ERCC6: variants seen among roughly 807,000 people sequenced by gnomAD.
ERCC6 encodes the protein DNA excision repair protein ERCC-6.
ERCC6 carries 116 observed loss-of-function variants against 158.7 expected under a neutral mutation model. That is an observed-to-expected ratio of 0.73 (90% CI 0.63 to 0.85). The LOEUF (loss-of-function observed/expected upper bound fraction) is 0.85. ERCC6 is among the 40% of genes least tolerant of loss of function. The pLI is 0.00. For synonymous variants in ERCC6, 678 were observed against 659.3 expected, an observed-to-expected ratio of 1.03 and a Z score of -0.43; for missense variants, 1,698 against 1,799.4, an observed-to-expected ratio of 0.94 and a Z score of 1.02.
At chr10:49,473,680 C>A (rs1850823509) in intron 13 of ERCC6, 93 bp from the exon 14 acceptor site, 2 of 807,434 alleles carry the variant, frequency 2.5e-6, no homozygotes, top group East Asian at 2.4e-5. Flanking sequence ...CCTTCCCCAA[C>A]AGGCCTATGT....
chr10:49,470,681 A>G lies in ERCC6; in HGVS notation c.3279T>C (p.Asp1093=). Reference sequence around the variant, plus strand: ...TTACATTACTACTCATGTGAGGGTCATCTTTCAAAGGATCACTTCGATTAG... The same window carrying G: ...TTACATTACTACTCATGTGAGGGTCGTCTTTCAAAGGATCACTTCGATTAG... ...VTSNRSDPLK[D]DPHMSSNVTS... The change falls in exon 18 of 21, where the codon GAT becomes GAC. Residue 1093 remains aspartate, a synonymous_variant. Transcript: ENST00000355832. 1.2e-6 allele frequency: 2 copies of G among 1,614,054 alleles called. No individual in the cohort carries two copies. The highest frequency in any genetic ancestry group is 1.7e-6 in the Non-Finnish European group (2 of 1,180,012).
intron 1 of ERCC6, among the ~76,000 whole-genome samples, chr10:49,537,155 C>G (rs1163473325): frequency 6.6e-6 from 1 of 152,010 alleles, no homozygotes; most frequent in African/African-American, 2.4e-5. Flanking sequence ...ACCAGCCTGA[C>G]CAACATAGTG....
intron 20 of ERCC6, 55 bp from the exon 21 acceptor site, chr10:49,459,289 C>T (rs1850535800): frequency 1.9e-6 from 3 of 1,586,934 alleles, no homozygotes; most frequent in East Asian, 2.2e-5. Flanking sequence ...TATGCCCCCA[C>T]TTCCTTCCCC....
chr10:49,524,846 C>G, intron 4 of ERCC6, 69 bp from the exon 5 acceptor site: 4 of 1,585,004 alleles, frequency 2.5e-6, no homozygotes, highest in Non-Finnish European at 3.4e-6. Context: ...GAAATGCTCA[C>G]TCTTTCAAGA....
At position 49,526,410 on chromosome 10, in the gene ERCC6, T is replaced by G. The variant is rs537470915; in HGVS notation, c.653-1633A>C. Among the ~76,000 whole-genome samples, 14 of 152,118 alleles carry G rather than the reference T, an allele frequency of 9.2e-5. 1 individual carries two copies. The South Asian group carries it at 2.9e-3, about 32-fold the overall frequency. On this transcript the variant is annotated intron_variant, in intron 4 of 20. Transcript: ENST00000355832. ...TTTTTGTGTAGGAAGTGTTCCAGTCTTTCGCCCATTTTTGTTTGTCTGTTT... is the reference window on the plus strand; with the variant it reads ...TTTTTGTGTAGGAAGTGTTCCAGTCGTTCGCCCATTTTTGTTTGTCTGTTT...
chr10:49,511,276 G>A (rs112940372), intron 5 of ERCC6, among the ~76,000 whole-genome samples: 67 of 152,046 alleles, frequency 4.4e-4, no homozygotes, highest in African/African-American at 1.5e-3. Flanking sequence ...TCTTATGATG[G>A]GAAAAAAGTC....
chr10:49,501,909 A>G (rs1191039047), intron 6 of ERCC6: 1 of 152,180 alleles, frequency 6.6e-6, no homozygotes, highest in East Asian at 1.9e-4. Flanking sequence ...GCAATGAACC[A>G]TGATTGCACC....
At chr10:49,515,484 A>G in intron 5 of ERCC6, 1 of 1,614,138 alleles carries the variant, frequency 6.2e-7, no homozygotes, top group Non-Finnish European at 8.5e-7. Flanking sequence ...ACGTGAGTCA[A>G]TGTTACGCTT....
Position 49,483,281 on chromosome 10 carries a change from ATAGTT to A in ERCC6, c.1992+60_1992+64del. On this transcript the variant is annotated intron_variant, in intron 9 of 20. Coordinates refer to ENST00000355832, the MANE Select transcript of ERCC6 (RefSeq NM_000124.4). ...TCAATAAATGTGTTACTAAAAGCAG[ATAGTT>A]TATTCTGAATTAATTATTCTTCTCC... The A allele has an allele frequency of 5.4e-6, 8 of 1,491,824 alleles. No individual in the cohort carries two copies. In the South Asian group the frequency reaches 9.1e-5, roughly 17 times the overall value. 92.4% of individuals were successfully genotyped at this position (1,491,824 alleles called of 1,614,324 possible). A position where few individuals can be genotyped will look rare whatever the true frequency, so the allele number is the denominator to read the frequency against.
At chr10:49,523,819 C>T (rs1837236128) in intron 5 of ERCC6, among the ~76,000 whole-genome samples, 1 of 152,000 alleles carries the variant, frequency 6.6e-6, no homozygotes, top group Non-Finnish European at 1.5e-5. Context: ...CCAAATCCAA[C>T]TAAAGACCTA....
chr10:49,517,073 T>C (rs757828668), intron 5 of ERCC6: 4 of 1,607,874 alleles, frequency 2.5e-6, no homozygotes, highest in Non-Finnish European at 3.4e-6. Flanking sequence ...CATCTGTCTC[T>C]AAAAGGTCAG....
intron 12 of ERCC6, chr10:49,475,213 G>T (rs903291559): frequency 1.1e-4 from 32 of 299,730 alleles, no homozygotes; most frequent in African/African-American, 5.8e-4. Flanking sequence ...ACCCAATTTC[G>T]AAGACAGAAC....
chr10:49,490,095 A>C (rs1324015562), intron 8 of ERCC6, among the ~76,000 whole-genome samples: 2 of 152,256 alleles, frequency 1.3e-5, no homozygotes, highest in Non-Finnish European at 2.9e-5. Context: ...TGACCATTAA[A>C]AGAGATTCAG....
Position 49,528,532 on chromosome 10 carries a change from T to C in ERCC6, c.544-7A>G, listed in dbSNP as rs1837395041. On this transcript the variant is annotated splice_region_variant and splice_polypyrimidine_tract_variant and intron_variant, in intron 3 of 20. Coordinates refer to ENST00000355832, the MANE Select transcript of ERCC6 (RefSeq NM_000124.4). ...TCTTTTTTAGCTGTTGTTCCTTGAA[T>C]GGTAAATATAGAAGACAGAAAACAG... 5 of 1,614,136 alleles carry C rather than the reference T, an allele frequency of 3.1e-6. No individual in the cohort carries two copies. The highest frequency in any genetic ancestry group is 4.2e-6 in the Non-Finnish European group (5 of 1,179,988).
At chr10:49,466,531 T>C (rs930507547) in intron 18 of ERCC6, among the ~76,000 whole-genome samples, 1 of 152,236 alleles carries the variant, frequency 6.6e-6, no homozygotes, top group Non-Finnish European at 1.5e-5. Context: ...ATTTGGTAAG[T>C]TGTGACATTA....
chr10:49,525,828 C>A (rs192729223), intron 4 of ERCC6, among the ~76,000 whole-genome samples: 5 of 151,958 alleles, frequency 3.3e-5, no homozygotes, highest in African/African-American at 9.7e-5. Flanking sequence ...TCTACGCCCC[C>A]CAAGATAATG....
At chr10:49,451,216 T>C (rs114295684), downstream of ERCC6, among the ~76,000 whole-genome samples, 1,096 of 150,904 alleles carry the variant, frequency 7.3e-3, 13 homozygotes, top group African/African-American at 0.025. Flanking sequence ...TAGAATCTTC[T>C]ACATACAAGA....
chr10:49,491,606 A>C (rs953193866), intron 8 of ERCC6, among the ~76,000 whole-genome samples: 6 of 152,224 alleles, frequency 3.9e-5, no homozygotes, highest in African/African-American at 1.4e-4. Flanking sequence ...CACCAAATTT[A>C]CTGTCAATTC....
At position 49,457,151 on chromosome 10, in the gene ERCC6, C is replaced by T. The variant is rs1396592804; in HGVS notation, c.*1664G>A. 1 of 152,098 alleles carries T rather than the reference C, an allele frequency of 6.6e-6. No individual in the cohort carries two copies. The highest frequency in any genetic ancestry group is 1.9e-4 in the East Asian group (1 of 5,192). 9.4% of individuals were successfully genotyped at this position (152,098 alleles called of 1,614,324 possible). On this transcript the variant is annotated 3_prime_UTR_variant, in exon 21 of 21. Transcript: ENST00000355832. ...TTATAAAAATAGAAATTAAGAGCTCCCCAGAAACAAACCACTTAGTCAAAA... is the reference window on the plus strand; with the variant it reads ...TTATAAAAATAGAAATTAAGAGCTCTCCAGAAACAAACCACTTAGTCAAAA...
Sources: allele counts gnomAD v4.1 joint callset (sites outside exome capture counted in the v4.1 genomes callset), GRCh38; gene constraint gnomAD v4.1.1; transcripts MANE v1.5; gene names NCBI Gene and HGNC (gene_info 2026-07-23, HGNC 2026-07-21).